The following KCNQ3 variants were observed in gnomAD, a reference collection of about 807,000 sequenced individuals.
KCNQ3 encodes potassium voltage-gated channel subfamily Q member 3, also known as potassium voltage-gated channel subfamily KQT member 3.
KCNQ3 carries 30 observed loss-of-function variants against 92.5 expected under a neutral mutation model. The observed-to-expected ratio is 0.32, with a 90% CI of 0.24 to 0.44. The LOEUF (loss-of-function observed/expected upper bound fraction) is 0.44, where lower values mean the gene tolerates loss of function less well. KCNQ3 is among the 20% of genes least tolerant of loss of function. The pLI, the probability that KCNQ3 is intolerant of heterozygous loss-of-function variation, is 1.00. For synonymous variants in KCNQ3, 450 were observed against 468.8 expected, an observed-to-expected ratio of 0.96 and a Z score of 0.52; for missense variants, 913 against 1,140.3, an observed-to-expected ratio of 0.80 and a Z score of 2.87.
chr8:132,409,595 G>C (rs1005732709), intron 1 of KCNQ3, among the ~76,000 whole-genome samples: 6 of 152,162 alleles, frequency 3.9e-5, no homozygotes, highest in African/African-American at 1.4e-4. Context: ...TGGGGACAGG[G>C]GACATCCCTC....
chr8:132,198,762 A>C (rs763809949), intron 1 of KCNQ3, among the ~76,000 whole-genome samples: 15 of 152,164 alleles, frequency 9.9e-5, no homozygotes, highest in Non-Finnish European at 2.1e-4. Flanking sequence ...AGCCGAGATC[A>C]TGCCACTGCA....
At chr8:132,247,603 T>A (rs1815222731) in intron 1 of KCNQ3, among the ~76,000 whole-genome samples, 1 of 151,930 alleles carries the variant, frequency 6.6e-6, no homozygotes, top group Admixed American at 6.6e-5. Flanking sequence ...CCTGGCCAGC[T>A]GGCCAAGATG....
At chr8:132,358,654 A>G (rs1238363085) in intron 1 of KCNQ3, among the ~76,000 whole-genome samples, 1 of 141,872 alleles carries the variant, frequency 7.0e-6, no homozygotes, top group African/African-American at 2.8e-5. Context: ...GGGGCTGTTC[A>G]AAAAGAATGG....
chr8:132,403,569 T>C (rs868644824), intron 1 of KCNQ3, among the ~76,000 whole-genome samples: 25 of 152,168 alleles, frequency 1.6e-4, no homozygotes, highest in African/African-American at 6.0e-4. Context: ...TGCCACCCTA[T>C]AAGGAACACC....
chr8:132,386,404 T>C (rs903097497), intron 1 of KCNQ3, among the ~76,000 whole-genome samples: 3 of 152,102 alleles, frequency 2.0e-5, no homozygotes, highest in Non-Finnish European at 4.4e-5. Context: ...AGGAAGCATA[T>C]ATAATCACAG....
At chr8:132,402,322 C>T (rs1432551885) in intron 1 of KCNQ3, among the ~76,000 whole-genome samples, 1 of 152,180 alleles carries the variant, frequency 6.6e-6, no homozygotes, top group Non-Finnish European at 1.5e-5. Flanking sequence ...TGTCTGGTGG[C>T]AAAGAACTTG....
chr8:132,163,221 T>C (rs1406046629), intron 9 of KCNQ3, among the ~76,000 whole-genome samples: 2 of 152,262 alleles, frequency 1.3e-5, no homozygotes, highest in Middle Eastern at 3.4e-3. Flanking sequence ...TGAGATAACA[T>C]ATGCAGAACT....
rs564028134 is a variant in KCNQ3 at position 132,253,368 on chromosome 8, A to C, written c.387-67187T>G. Among the ~76,000 whole-genome samples, 16 of 152,316 alleles carry C rather than the reference A, an allele frequency of 1.1e-4. No homozygotes were observed. In the South Asian group the frequency reaches 3.3e-3, roughly 32 times the overall value. ...AAATGAGGGTAATAATGATTCCTTC[A>C]CTGAGTTAAGATAAACTAACATTAC... On this transcript the variant is annotated intron_variant, in intron 1 of 14. Transcript: ENST00000388996.
chr8:132,345,383 C>T (rs536794441), intron 1 of KCNQ3, among the ~76,000 whole-genome samples: 1 of 152,322 alleles, frequency 6.6e-6, no homozygotes, highest in Admixed American at 6.5e-5. Context: ...CAGGAACGTA[C>T]TCAAGCAACT....
intron 1 of KCNQ3, among the ~76,000 whole-genome samples, chr8:132,298,994 A>G: frequency 6.6e-6 from 1 of 151,996 alleles, no homozygotes; most frequent in East Asian, 1.9e-4. Context: ...AAATACATTC[A>G]TATGACACAG....
chr8:132,141,212 G>A lies in KCNQ3; in HGVS notation c.1382C>T (p.Pro461Leu), dbSNP rs1825285958. 40 of 1,614,176 alleles carry A rather than the reference G, an allele frequency of 2.5e-5. No homozygotes were observed. Among genetic ancestry groups the A allele is most frequent in the Non-Finnish European group, 3.3e-5 (39 of 1,180,016 alleles). Residue 461 changes from proline to leucine, a missense_variant, in exon 10 of 15, where the codon CCA (proline) becomes CTA (leucine). Physicochemically the swap from Pro to Leu is moderately conservative, Grantham distance 98. Coordinates refer to ENST00000388996, the MANE Select transcript of KCNQ3 (RefSeq NM_004519.4). ...DAIEESPSKE[P>L]KPVGLNNKER... The stretch of plus-strand genomic sequence containing the variant: ...TTTATTGTTTAAGCCAACAGGCTTT[G>A]GTTCTTTAGAAGGACTTTCTTCTAT...
chr8:132,168,789 G>A (rs899168119), intron 8 of KCNQ3, among the ~76,000 whole-genome samples: 8 of 145,272 alleles, frequency 5.5e-5, no homozygotes, highest in South Asian at 2.3e-4. Flanking sequence ...GTTTGCAGAG[G>A]AGTTGTGGCT....
At chr8:132,343,180 T>A (rs1230752280) in intron 1 of KCNQ3, among the ~76,000 whole-genome samples, 1 of 152,250 alleles carries the variant, frequency 6.6e-6, no homozygotes, top group African/African-American at 2.4e-5. Flanking sequence ...CAGTGTTCAA[T>A]GGATTTGCTT....
chr8:132,215,057 G>A (rs1016697279), intron 1 of KCNQ3, among the ~76,000 whole-genome samples: 1 of 152,322 alleles, frequency 6.6e-6, no homozygotes, highest in South Asian at 2.1e-4. Flanking sequence ...ATGAAGTGGA[G>A]TGCACCTGTC....
At chr8:132,344,689 G>A (rs552711317) in intron 1 of KCNQ3, among the ~76,000 whole-genome samples, 1 of 152,312 alleles carries the variant, frequency 6.6e-6, no homozygotes, top group African/African-American at 2.4e-5. Flanking sequence ...ATTCCTGGGA[G>A]AGATCACAAC....
intron 1 of KCNQ3, among the ~76,000 whole-genome samples, chr8:132,435,765 G>A (rs1156707893): frequency 6.6e-6 from 1 of 151,856 alleles, no homozygotes; most frequent in Non-Finnish European, 1.5e-5. Context: ...GCCCTGGCTG[G>A]TCTCAAACTC....
chr8:132,182,447 T>C (rs1269273170), intron 3 of KCNQ3, among the ~76,000 whole-genome samples: 3 of 152,180 alleles, frequency 2.0e-5, no homozygotes, highest in African/African-American at 7.2e-5. Context: ...ATGGAAAACA[T>C]GGCAACACTA....
At chr8:132,445,491 C>A (rs1285354024) in intron 1 of KCNQ3, among the ~76,000 whole-genome samples, 1 of 145,218 alleles carries the variant, frequency 6.9e-6, no homozygotes, top group Non-Finnish European at 1.5e-5. Context: ...TAAGGGAAAT[C>A]AAGTGAATGA....
In KCNQ3 at chr8:132,276,165, A is replaced by G. The variant is rs539431624; in HGVS notation, c.387-89984T>C. Among the ~76,000 whole-genome samples, 26 of 152,278 alleles carry G rather than the reference A, an allele frequency of 1.7e-4. No homozygotes were observed. In the South Asian group the frequency reaches 5.0e-3, roughly 29 times the overall value. On this transcript the variant is annotated intron_variant, in intron 1 of 14. Coordinates refer to ENST00000388996, the MANE Select transcript of KCNQ3 (RefSeq NM_004519.4). Reference sequence around the variant, plus strand: ...CAAATCGTACAAGAACTCAATTTTTATTTTTATAAAAATGAAAATAATCCT... The same window carrying G: ...CAAATCGTACAAGAACTCAATTTTTGTTTTTATAAAAATGAAAATAATCCT...
Sources: gnomAD v4.1 joint callset for allele counts (sites outside exome capture counted in the v4.1 genomes callset) on GRCh38, gnomAD v4.1.1 for gene constraint, MANE v1.5 for transcripts, NCBI Gene and HGNC (gene_info 2026-07-23, HGNC 2026-07-21) for gene names.